The following PEBP4 variants were observed in gnomAD, a reference collection of about 807,000 sequenced individuals.
PEBP4 encodes the protein phosphatidylethanolamine-binding protein 4.
In PEBP4, 22 loss-of-function variants were observed where a neutral mutation model predicts 23.9. That is an observed-to-expected ratio of 0.92 (90% CI 0.66 to 1.31). The LOEUF is 1.31. Among genes scored for constraint, PEBP4 ranks in the 40% most tolerant of loss-of-function variants. PEBP4 has a pLI of 0.00. For synonymous variants in PEBP4, 112 were observed against 99.3 expected (o/e 1.13, Z -0.76); for missense variants, 324 against 281.7 (o/e 1.15, Z -1.07).
At chr8:22,800,331 C>T (rs1806357462) in intron 4 of PEBP4, among the ~76,000 whole-genome samples, 1 of 151,944 alleles carries the variant, frequency 6.6e-6, no homozygotes, top group Non-Finnish European at 1.5e-5. Flanking sequence ...GATTCCGGTC[C>T]ACACTCTGCA....
At chr8:22,897,716 C>A (rs762071831) in intron 3 of PEBP4, 2 of 152,168 alleles carry the variant, frequency 1.3e-5, no homozygotes, top group African/African-American at 4.8e-5. Flanking sequence ...TTCACACTCA[C>A]CATGTCCAGA....
intron 3 of PEBP4, among the ~76,000 whole-genome samples, chr8:22,909,870 C>G (rs565393194): frequency 2.6e-5 from 4 of 152,178 alleles, no homozygotes; most frequent in Non-Finnish European, 5.9e-5. Context: ...CAGAGCCTGG[C>G]CACGTGGAGA....
intron 4 of PEBP4, 57 bp from the exon 5 acceptor site, chr8:22,727,277 G>C (rs937232143): frequency 6.4e-6 from 10 of 1,564,392 alleles, no homozygotes; most frequent in Non-Finnish European, 8.8e-6. Context: ...TTCAGGCCAC[G>C]TGGGCTCTGC....
chr8:22,725,009 G>A (rs746903344), intron 5 of PEBP4, 53 bp from the exon 6 acceptor site: 6 of 1,478,274 alleles, frequency 4.1e-6, no homozygotes, highest in African/African-American at 1.4e-5. Context: ...ACTACCGAGG[G>A]CAGAGCTCTC....
intron 6 of PEBP4, among the ~76,000 whole-genome samples, chr8:22,713,939 A>G (rs761989093): frequency 2.0e-5 from 3 of 152,230 alleles, no homozygotes; most frequent in Non-Finnish European, 4.4e-5. Context: ...ACCCCAGGAC[A>G]GGAGGCTTCA....
At chr8:22,788,017 T>C (rs12678150) in intron 4 of PEBP4, among the ~76,000 whole-genome samples, 56,604 of 151,776 alleles carry the variant, frequency 0.37, 10,865 homozygotes, top group Middle Eastern at 0.48. Context: ...CTTGGAGCTC[T>C]GGCAGAGGAA....
intron 6 of PEBP4, among the ~76,000 whole-genome samples, chr8:22,723,100 C>G (rs930722778): frequency 1.3e-5 from 2 of 152,028 alleles, no homozygotes; most frequent in African/African-American, 4.8e-5. Flanking sequence ...CATTTTAAAC[C>G]CTGTACAGAT....
chr8:22,786,094 T>G (rs1806021595), intron 4 of PEBP4, among the ~76,000 whole-genome samples: 1 of 152,186 alleles, frequency 6.6e-6, no homozygotes, highest in Admixed American at 6.5e-5. Flanking sequence ...GTCTTTCCCT[T>G]CCTCCTATCC....
intron 4 of PEBP4, among the ~76,000 whole-genome samples, chr8:22,795,145 A>ATG (rs1563218523): frequency 1.4e-4 from 4 of 28,054 alleles, no homozygotes; most frequent in African/African-American, 6.0e-4. Flanking sequence ...GTGTGTGTGT[A>ATG]TATATATATA....
At chr8:22,717,889 G>C (rs923737718) in intron 6 of PEBP4, among the ~76,000 whole-genome samples, 2 of 152,064 alleles carry the variant, frequency 1.3e-5, no homozygotes, top group African/African-American at 4.8e-5. Flanking sequence ...GGCTCGTCAC[G>C]GGACCGGCCA....
intron 3 of PEBP4, among the ~76,000 whole-genome samples, chr8:22,843,017 G>A (rs1182941154): frequency 2.0e-5 from 3 of 152,104 alleles, no homozygotes; most frequent in African/African-American, 4.8e-5. Context: ...TAATAGAGAC[G>A]GGGTTTCACC....
chr8:22,899,249 G>T lies in PEBP4; in HGVS notation c.258+20935C>A, dbSNP rs2128776422. Among the ~76,000 whole-genome samples the T allele has an allele frequency of 1.3e-5, 2 of 152,338 alleles. 1 individual carries two copies. The highest frequency in any genetic ancestry group is 6.8e-3 in the Middle Eastern group (2 of 294). Reference sequence around the variant, plus strand: ...CTATGCAGGCTGCACACAGACTCAGGGAGCCAAGGGCTGCCGGGGGCATTT... The same window carrying T: ...CTATGCAGGCTGCACACAGACTCAGTGAGCCAAGGGCTGCCGGGGGCATTT... On this transcript the variant is annotated intron_variant, in intron 3 of 6. Coordinates refer to ENST00000256404, the MANE Select transcript of PEBP4 (RefSeq NM_144962.3).
chr8:22,730,721 C>T (rs1300103865), intron 4 of PEBP4, among the ~76,000 whole-genome samples: 1 of 152,146 alleles, frequency 6.6e-6, no homozygotes, highest in Non-Finnish European at 1.5e-5. Flanking sequence ...ACCAGCCCAG[C>T]ATTTGAGGAA....
intron 3 of PEBP4, among the ~76,000 whole-genome samples, chr8:22,866,361 A>T (rs886588547): frequency 6.6e-6 from 1 of 152,206 alleles, no homozygotes; most frequent in Non-Finnish European, 1.5e-5. Flanking sequence ...TTTTGTACCC[A>T]GCAAGACGCT....
intron 4 of PEBP4, among the ~76,000 whole-genome samples, chr8:22,784,123 T>TA (rs1295426879): frequency 6.6e-6 from 1 of 152,142 alleles, no homozygotes; most frequent in African/African-American, 2.4e-5. Context: ...TTGTGGGGAT[T>TA]ATGGAGACAG....
At chr8:22,939,951 G>A (rs995397199) in intron 1 of PEBP4, among the ~76,000 whole-genome samples, 1 of 152,152 alleles carries the variant, frequency 6.6e-6, no homozygotes, top group African/African-American at 2.4e-5. Flanking sequence ...GATGCACATT[G>A]CATCTATTAA....
intron 1 of PEBP4, among the ~76,000 whole-genome samples, chr8:22,938,560 C>A (rs562020403): frequency 6.6e-6 from 1 of 152,266 alleles, no homozygotes; most frequent in Admixed American, 6.5e-5. Flanking sequence ...GGAGGAGGGA[C>A]CCCATGTAGC....
At chr8:22,789,263 G>A (rs1806088372) in intron 4 of PEBP4, among the ~76,000 whole-genome samples, 1 of 152,142 alleles carries the variant, frequency 6.6e-6, no homozygotes, top group Admixed American at 6.5e-5. Context: ...AGTGAGTCAA[G>A]GAAGCGGAGA....
At chr8:22,893,450 C>A (rs1808533639) in intron 3 of PEBP4, among the ~76,000 whole-genome samples, 1 of 151,896 alleles carries the variant, frequency 6.6e-6, no homozygotes, top group Non-Finnish European at 1.5e-5. Flanking sequence ...GAAACCATAA[C>A]AAGGACAAAA....
Sources: gnomAD v4.1 joint callset for allele counts (sites outside exome capture counted in the v4.1 genomes callset) on GRCh38, gnomAD v4.1.1 for gene constraint, MANE v1.5 for transcripts, NCBI Gene and HGNC (gene_info 2026-07-23, HGNC 2026-07-21) for gene names.